Variants in RPH3A observed in about 807,000 individuals in gnomAD.
RPH3A encodes rabphilin-3A.
RPH3A carries 48 observed loss-of-function variants against 102.2 expected under a neutral mutation model. The observed-to-expected ratio is 0.47, with a 90% CI of 0.37 to 0.60. RPH3A has a LOEUF of 0.60. Among genes scored for constraint, RPH3A ranks in the 20% least tolerant of loss-of-function variants. The probability of loss-of-function intolerance (pLI) is 0.00; values close to 1 mark genes in which losing one functional copy is unlikely to be tolerated. For synonymous variants in RPH3A, 310 were observed against 324.3 expected, an observed-to-expected ratio of 0.96 and a Z score of 0.47; for missense variants, 781 against 910.1, an observed-to-expected ratio of 0.86 and a Z score of 1.83.
chr12:112,602,160 A>G (rs1707562156), intron 1 of RPH3A, among the ~76,000 whole-genome samples: 1 of 152,102 alleles, frequency 6.6e-6, no homozygotes, highest in Admixed American at 6.5e-5. Context: ...ATATGTCTCA[A>G]GTAGGTAATA....
At chr12:112,697,879 C>G (rs2040363532) in intron 1 of RPH3A, among the ~76,000 whole-genome samples, 2 of 151,806 alleles carry the variant, frequency 1.3e-5, no homozygotes, top group South Asian at 4.2e-4. Flanking sequence ...AAAAAAAATC[C>G]AAACAGACTT....
intron 2 of RPH3A, among the ~76,000 whole-genome samples, chr12:112,800,920 G>A (rs1226513258): frequency 1.3e-5 from 2 of 152,154 alleles, no homozygotes; most frequent in East Asian, 1.9e-4. Context: ...CCCGTTCCAC[G>A]CTAGCTAAAA....
At chr12:112,887,970 G>C (rs147938629) in intron 17 of RPH3A, 47 bp downstream of exon 17, 1 of 1,602,456 alleles carries the variant, frequency 6.2e-7, no homozygotes, top group Non-Finnish European at 8.5e-7. Context: ...GGGAGATTGG[G>C]GGAGCTGCCT....
chr12:112,769,395 C>A (rs2040913168), intron 1 of RPH3A, among the ~76,000 whole-genome samples: 1 of 152,326 alleles, frequency 6.6e-6, no homozygotes, highest in South Asian at 2.1e-4. Flanking sequence ...AAGACCAGAA[C>A]CCGCTACTGA....
intron 1 of RPH3A, among the ~76,000 whole-genome samples, chr12:112,722,516 G>T (rs2040558358): frequency 6.6e-6 from 1 of 152,200 alleles, no homozygotes; most frequent in Non-Finnish European, 1.5e-5. Context: ...CTCCTATGTT[G>T]TTGGTGGGCA....
intron 1 of RPH3A, among the ~76,000 whole-genome samples, chr12:112,715,725 G>A (rs1330846141): frequency 6.6e-6 from 1 of 152,158 alleles, no homozygotes; most frequent in Non-Finnish European, 1.5e-5. Context: ...TTACCGGAAA[G>A]GGGTCCCAAT....
chr12:112,697,726 A>C (rs2384049), intron 1 of RPH3A, among the ~76,000 whole-genome samples: 1 of 152,016 alleles, frequency 6.6e-6, no homozygotes, highest in East Asian at 1.9e-4. Context: ...TTAGCCAGGC[A>C]TGGTGGCATA....
chr12:112,725,050 AC>A (rs950812616), intron 1 of RPH3A, among the ~76,000 whole-genome samples: 6 of 151,592 alleles, frequency 4.0e-5, no homozygotes, highest in African/African-American at 1.5e-4. Context: ...GGAGTTTGAG[AC>A]CAGCCTGGCC....
chr12:112,579,852 C>T (rs2039384181), intron 1 of RPH3A, among the ~76,000 whole-genome samples: 2 of 152,178 alleles, frequency 1.3e-5, no homozygotes, highest in Non-Finnish European at 2.9e-5. Flanking sequence ...GCCTCAGCCT[C>T]CTGAGTAGCT....
intron 1 of RPH3A, among the ~76,000 whole-genome samples, chr12:112,769,048 C>T (rs2040910821): frequency 6.6e-6 from 1 of 152,216 alleles, no homozygotes; most frequent in African/African-American, 2.4e-5. Context: ...CCCATGACCA[C>T]AGGATTTCTG....
chr12:112,737,037 C>T (rs1267912391), intron 1 of RPH3A, among the ~76,000 whole-genome samples: 1 of 151,714 alleles, frequency 6.6e-6, no homozygotes, highest in Admixed American at 6.6e-5. Flanking sequence ...CACTTGAGAT[C>T]CTAGCTACTC....
intron 1 of RPH3A, among the ~76,000 whole-genome samples, chr12:112,705,911 T>C (rs997507895): frequency 2.0e-5 from 3 of 152,176 alleles, no homozygotes; most frequent in African/African-American, 7.2e-5. Context: ...TGTTTTCTAG[T>C]TCAATTATTC....
At chr12:112,746,552 G>A (rs1325884831) in intron 1 of RPH3A, among the ~76,000 whole-genome samples, 2 of 152,168 alleles carry the variant, frequency 1.3e-5, no homozygotes, top group South Asian at 2.1e-4. Flanking sequence ...TCTTTTATAG[G>A]AAAAATTGCT....
At position 112,755,314 on chromosome 12, in the gene RPH3A, C is replaced by T. The variant is rs1037373508; in HGVS notation, c.-139-36829C>T. ...ATATGTATATACACACACACACACA[C>T]ACACACACACACACACACACACACA... On this transcript the variant is annotated intron_variant, in intron 1 of 21. Transcript: ENST00000543106. Among the ~76,000 whole-genome samples, 154 of 150,338 alleles carry T rather than the reference C, an allele frequency of 1.0e-3. 1 individual carries two copies. Among genetic ancestry groups the T allele is most frequent in the African/African-American group, 3.7e-3 (148 of 40,066 alleles).
intron 1 of RPH3A, among the ~76,000 whole-genome samples, chr12:112,664,944 C>T (rs955511471): frequency 2.4e-5 from 3 of 123,890 alleles, no homozygotes; most frequent in East Asian, 2.3e-4. Context: ...CGTTCCATGG[C>T]GGGGGTGGGG....
At chr12:112,598,896 T>C (rs546937157) in intron 1 of RPH3A, among the ~76,000 whole-genome samples, 113 of 152,358 alleles carry the variant, frequency 7.4e-4, no homozygotes, top group Non-Finnish European at 1.2e-3. Context: ...GCCTCTTGTA[T>C]AGACCTTGTA....
chr12:112,859,553 A>G (rs566453603), intron 5 of RPH3A, among the ~76,000 whole-genome samples: 1 of 152,282 alleles, frequency 6.6e-6, no homozygotes, highest in East Asian at 1.9e-4. Flanking sequence ...TACATATTTG[A>G]GTGCACACAA....
At chr12:112,819,209 G>T (rs1055091452) in intron 2 of RPH3A, among the ~76,000 whole-genome samples, 3 of 151,980 alleles carry the variant, frequency 2.0e-5, no homozygotes, top group African/African-American at 7.3e-5. Flanking sequence ...GGGTTCAAGC[G>T]ATTCTTGTGC....
At chr12:112,750,144 C>G (rs1428959246) in intron 1 of RPH3A, among the ~76,000 whole-genome samples, 10 of 152,176 alleles carry the variant, frequency 6.6e-5, no homozygotes, top group Admixed American at 3.9e-4. Flanking sequence ...ATAAGCCTTA[C>G]AGCACTGCAA....
Sources: gnomAD v4.1 joint callset for allele counts (sites outside exome capture counted in the v4.1 genomes callset) on GRCh38, gnomAD v4.1.1 for gene constraint, MANE v1.5 for transcripts, NCBI Gene and HGNC (gene_info 2026-07-23, HGNC 2026-07-21) for gene names.